Variants in ALMS1 observed in about 807,000 individuals in gnomAD.
ALMS1 encodes ALMS1 centrosome and basal body associated protein.
Under a neutral mutation model 352.2 loss-of-function variants are expected in ALMS1, and 271 were observed. That is an observed-to-expected ratio of 0.77 (90% confidence interval 0.70 to 0.85). The LOEUF is 0.85. Among genes scored for constraint, ALMS1 ranks in the 40% least tolerant of loss-of-function variants. The pLI, the probability that ALMS1 is intolerant of heterozygous loss-of-function variation, is 0.00. For missense variants in ALMS1, 5,445 were observed against 4,870.7 expected (o/e 1.12, Z -3.51); for synonymous variants, 1,865 against 1,761.2 (o/e 1.06, Z -1.48).
Position 73,450,160 on chromosome 2 carries a change from A to G in ALMS1, c.3633A>G (p.Ile1211Met). The G allele has an allele frequency of 6.2e-7, 1 of 1,613,992 alleles. No homozygotes were observed. The change falls in exon 8 of 23, where the codon ATA (isoleucine) becomes ATG (methionine). Residue 1211 changes from isoleucine (I) to methionine (M), a missense_variant. Ile to Met is a conservative substitution (Grantham distance 10). Coordinates refer to ENST00000613296, the MANE Select transcript of ALMS1 (RefSeq NM_001378454.1). ...AACAGACCTTGCCAGGTAGTCACAT[A>G]CCTGAAGAGGCACAGAAAGTTTCAC... is the stretch of plus-strand genomic sequence containing the variant. Reference protein sequence around the residue: ...FYQQTLPGSHIPEEAQKVSPV... With the variant: ...FYQQTLPGSHMPEEAQKVSPV...
chr2:73,489,266 G>T (rs1355135967), intron 9 of ALMS1, among the ~76,000 whole-genome samples: 3 of 152,212 alleles, frequency 2.0e-5, no homozygotes, highest in Non-Finnish European at 4.4e-5. Flanking sequence ...ACAACTAGCT[G>T]CAGAAGAAAC....
At chr2:73,576,541 A>T (rs1380906937) in intron 16 of ALMS1, among the ~76,000 whole-genome samples, 1 of 151,228 alleles carries the variant, frequency 6.6e-6, no homozygotes, top group African/African-American at 2.4e-5. Flanking sequence ...TATTTTGATG[A>T]GTGTTTTTGT....
chr2:73,589,584 A>C (rs540587133), intron 16 of ALMS1, among the ~76,000 whole-genome samples: 23 of 152,352 alleles, frequency 1.5e-4, no homozygotes, highest in African/African-American at 5.0e-4. Flanking sequence ...GTATGCATGA[A>C]CTTTCATCAT....
Position 73,490,584 on chromosome 2 carries a change from TCTTC to T in ALMS1, c.8630_8633del (p.Pro2877LeufsTer23). The T allele has an allele frequency of 1.2e-6, 2 of 1,614,012 alleles. No individual in the cohort carries two copies. Among genetic ancestry groups the T allele is most frequent in the Non-Finnish European group, 1.7e-6 (2 of 1,179,988 alleles). On this transcript the variant is annotated frameshift_variant, in exon 10 of 23. Transcript: ENST00000613296. LOFTEE classifies it high-confidence loss of function. ...AGAAGAATGTAACTATAACTCCAGA[TCTTC>T]CTTCTTGCATTTTTCTTGAACAACG...
chr2:73,595,011 C>T (rs1011732638), intron 16 of ALMS1, among the ~76,000 whole-genome samples: 1 of 152,276 alleles, frequency 6.6e-6, no homozygotes, highest in South Asian at 2.1e-4. Flanking sequence ...TGTGGCCTAA[C>T]GTATGTTATT....
At chr2:73,513,485 A>G (rs1179342518) in intron 10 of ALMS1, among the ~76,000 whole-genome samples, 3 of 151,732 alleles carry the variant, frequency 2.0e-5, no homozygotes, top group Non-Finnish European at 4.4e-5. Context: ...CAGCCTCCTC[A>G]CTCAGGTTCT....
At chr2:73,461,545 G>C (rs1047939551) in intron 9 of ALMS1, among the ~76,000 whole-genome samples, 1 of 152,220 alleles carries the variant, frequency 6.6e-6, no homozygotes, top group Non-Finnish European at 1.5e-5. Context: ...AAAAAGCAGA[G>C]CGCCTCTCCT....
chr2:73,581,186 T>G (rs1209162899), intron 16 of ALMS1, among the ~76,000 whole-genome samples: 1 of 152,234 alleles, frequency 6.6e-6, no homozygotes, highest in Non-Finnish European at 1.5e-5. Context: ...GTCTATTGTT[T>G]CCCTTGAACT....
intron 11 of ALMS1, among the ~76,000 whole-genome samples, chr2:73,522,759 G>T (rs184909963): frequency 6.6e-6 from 1 of 152,138 alleles, no homozygotes; most frequent in Non-Finnish European, 1.5e-5. Context: ...GAGCCACTGC[G>T]CCTGGCCAAG....
intron 12 of ALMS1, among the ~76,000 whole-genome samples, chr2:73,549,154 A>G (rs1004014792): frequency 2.0e-5 from 3 of 152,240 alleles, no homozygotes; most frequent in African/African-American, 4.8e-5. Context: ...GGAGATTAGT[A>G]TAAGCCTTTA....
At position 73,557,281 on chromosome 2, in the gene ALMS1, G is replaced by C. The variant is rs1045473444; in HGVS notation, c.10140G>C (p.Glu3380Asp). 2 of 1,614,184 alleles carry C rather than the reference G, an allele frequency of 1.2e-6. No homozygotes were observed. The highest frequency in any genetic ancestry group is 1.7e-5 in the Admixed American group (1 of 60,022). The part of the protein sequence containing the change: ...DENLSDKKQQ[E>D]IHSTRAVTEA... ...ACCTCTCAGACAAAAAACAGCAAGA[G>C]ATTCACAGTACAAGGGCAGTGACTG... The change falls in exon 14 of 23, where the codon GAG (glutamate) becomes GAC (aspartate). Residue 3380 changes from glutamate (E) to aspartate (D), a missense_variant. Glu to Asp is a conservative substitution (Grantham distance 45). Transcript: ENST00000613296.
At chr2:73,410,915 T>C (rs1671065164) in intron 2 of ALMS1, among the ~76,000 whole-genome samples, 1 of 152,222 alleles carries the variant, frequency 6.6e-6, no homozygotes, top group African/African-American at 2.4e-5. Context: ...ACCTGTTAGA[T>C]GCAAGATATG....
chr2:73,590,973 G>T (rs1443814980), intron 16 of ALMS1, among the ~76,000 whole-genome samples: 2 of 151,922 alleles, frequency 1.3e-5, no homozygotes, highest in Non-Finnish European at 2.9e-5. Context: ...ACCGCGCCCG[G>T]CCCCTTTTTT....
At chr2:73,417,549 G>A (rs1359728261) in intron 2 of ALMS1, among the ~76,000 whole-genome samples, 2 of 152,106 alleles carry the variant, frequency 1.3e-5, no homozygotes, top group African/African-American at 2.4e-5. Flanking sequence ...TACTGTGTAA[G>A]AAATGTGAAC....
At chr2:73,405,680 T>G (rs1433953431) in intron 1 of ALMS1, among the ~76,000 whole-genome samples, 1 of 152,124 alleles carries the variant, frequency 6.6e-6, no homozygotes. Flanking sequence ...TGAATTTTTT[T>G]TTTTAAATAT....
chr2:73,483,029 G>A (rs1169598073), intron 9 of ALMS1, among the ~76,000 whole-genome samples: 3 of 152,096 alleles, frequency 2.0e-5, no homozygotes, highest in African/African-American at 7.2e-5. Context: ...ACCAGCTCCT[G>A]GATTCATTAA....
Position 73,449,927 on chromosome 2 carries a change from AC to A in ALMS1, c.3401del (p.Thr1134MetfsTer6), listed in dbSNP as rs1362530100. On this transcript the variant is annotated frameshift_variant, in exon 8 of 23. Coordinates refer to ENST00000613296, the MANE Select transcript of ALMS1 (RefSeq NM_001378454.1). LOFTEE classifies it high-confidence loss of function. The stretch of plus-strand genomic sequence containing the variant: ...AGCTCCTGGACTAGCAGACCAGAAG[AC>A]TGGCACACCAACTGTAACCTCAACT... ...SVAPGLADQK[T>X]GTPTVTSTSY... The A allele has an allele frequency of 6.2e-7, 1 of 1,613,974 alleles. No individual in the cohort carries two copies. The highest frequency in any genetic ancestry group is 1.1e-5 in the South Asian group (1 of 91,072).
rs777251736 is a variant in ALMS1 at position 73,573,131 on chromosome 2, A to C, written c.11254A>C (p.Asn3752His). 10 of 1,614,062 alleles carry C rather than the reference A, an allele frequency of 6.2e-6. No individual in the cohort carries two copies. The highest frequency in any genetic ancestry group is 1.7e-4 in the Middle Eastern group (1 of 6,060). The change falls in exon 16 of 23, where the codon AAC becomes CAC. Residue 3752 changes from asparagine (N) to histidine (H), a missense_variant. Physicochemically the swap from Asn to His is moderately conservative, Grantham distance 68. Transcript: ENST00000613296. ...TGAGCTGCTCACAGATACTACCACCAACATCCTTTCCGGCACCACTTCTAC... is the reference window on the plus strand; with the variant it reads ...TGAGCTGCTCACAGATACTACCACCCACATCCTTTCCGGCACCACTTCTAC... ...ESELLTDTTT[N>H]ILSGTTSTVE...
At chr2:73,454,504 C>T (rs920557675) in intron 8 of ALMS1, 9 of 356,078 alleles carry the variant, frequency 2.5e-5, no homozygotes, top group African/African-American at 2.0e-4. Context: ...TGTCCTAAAA[C>T]TACATATATT....
Sources: allele counts gnomAD v4.1 joint callset (sites outside exome capture counted in the v4.1 genomes callset), GRCh38; gene constraint gnomAD v4.1.1; transcripts MANE v1.5; gene names NCBI Gene and HGNC (gene_info 2026-07-23, HGNC 2026-07-21).